Variants in STX8 observed in about 807,000 individuals in gnomAD.
The protein encoded by STX8 is syntaxin-8.
In STX8, 23 loss-of-function variants were observed where a neutral mutation model predicts 37.5. That is an observed-to-expected ratio of 0.61 (90% CI 0.44 to 0.87). The LOEUF is 0.87. STX8 is among the 40% of genes least tolerant of loss of function. The pLI is 0.00. For synonymous variants in STX8, 115 were observed against 99.1 expected (o/e 1.16, Z -0.95); for missense variants, 313 against 284.7 (o/e 1.10, Z -0.71).
At chr17:9,428,530 C>G (rs551256173) in intron 6 of STX8, among the ~76,000 whole-genome samples, 6 of 151,952 alleles carry the variant, frequency 3.9e-5, no homozygotes, top group Non-Finnish European at 8.8e-5. Context: ...GTAAGCCACC[C>G]CGTCCGGCAA....
chr17:9,311,823 A>G (rs900657823), intron 7 of STX8, among the ~76,000 whole-genome samples: 12 of 152,132 alleles, frequency 7.9e-5, no homozygotes, highest in South Asian at 2.1e-4. Context: ...TAAGTACTTT[A>G]TAAGTGTTAG....
rs139501626 is a variant in STX8, at chr17:9,375,615, C to T, written c.643+2937G>A. 1.6e-3 allele frequency among the ~76,000 whole-genome samples: 251 copies of T among 152,260 alleles called. 1 individual carries two copies. The highest frequency in any genetic ancestry group is 5.2e-3 in the African/African-American group (218 of 41,550). On this transcript the variant is annotated intron_variant, in intron 7 of 7. Coordinates refer to ENST00000306357, the MANE Select transcript of STX8 (RefSeq NM_004853.3). ...ACGAGAGCTAATACCAGTACTTGCT[C>T]ACCGCACACAATGTACCAAAGATGG...
chr17:9,441,764 C>T (rs2142387831), intron 6 of STX8, among the ~76,000 whole-genome samples: 1 of 150,640 alleles, frequency 6.6e-6, no homozygotes, highest in East Asian at 2.0e-4. Flanking sequence ...CAAGCTCCGC[C>T]TCCCGGGTTC....
chr17:9,254,472 T>C (rs557358209), intron 7 of STX8, among the ~76,000 whole-genome samples: 2 of 152,038 alleles, frequency 1.3e-5, no homozygotes, highest in Non-Finnish European at 2.9e-5. Context: ...CTTGGCTCAC[T>C]GCAGCCTCCG....
intron 4 of STX8, among the ~76,000 whole-genome samples, chr17:9,543,262 C>A (rs528145585): frequency 6.6e-6 from 1 of 151,458 alleles, no homozygotes; most frequent in South Asian, 2.1e-4. Context: ...AAAGACTCTG[C>A]CTTCAGTGTA....
At position 9,537,227 on chromosome 17, in the gene STX8, T is replaced by C. The variant is rs536193406; in HGVS notation, c.323+7945A>G. On this transcript the variant is annotated intron_variant, in intron 4 of 7. Coordinates refer to ENST00000306357, the MANE Select transcript of STX8 (RefSeq NM_004853.3). ...ATAATTAGCGAGGCAGAGACAAAGC[T>C]GCATGCTTCACCAGGCCCTCCTCTT... Among the ~76,000 whole-genome samples the C allele has an allele frequency of 2.0e-5, 3 of 152,356 alleles. No homozygotes were observed. The South Asian group carries it at 6.2e-4, about 32-fold the overall frequency.
intron 6 of STX8, among the ~76,000 whole-genome samples, chr17:9,485,045 T>C (rs746087386): frequency 5.3e-5 from 8 of 152,180 alleles, no homozygotes; most frequent in Non-Finnish European, 8.8e-5. Context: ...TCCCGGCTAC[T>C]GAGGAGGCTG....
intron 6 of STX8, among the ~76,000 whole-genome samples, chr17:9,456,406 T>C (rs911113223): frequency 7.2e-5 from 11 of 152,198 alleles, no homozygotes; most frequent in Non-Finnish European, 1.3e-4. Context: ...GCCTCTCTGA[T>C]CTGAAACTGG....
At chr17:9,531,752 T>C (rs573267588) in intron 4 of STX8, among the ~76,000 whole-genome samples, 18 of 152,308 alleles carry the variant, frequency 1.2e-4, no homozygotes, top group African/African-American at 3.8e-4. Flanking sequence ...TTTCCCTAAA[T>C]AATGTTTTAT....
At chr17:9,503,104 T>TGA (rs1904682091) in intron 5 of STX8, among the ~76,000 whole-genome samples, 1 of 3,148 alleles carries the variant, frequency 3.2e-4, no homozygotes, top group Non-Finnish European at 1.0e-3. Context: ...AGACTCTGTC[T>TGA]CAAAAAAAAA....
intron 6 of STX8, among the ~76,000 whole-genome samples, chr17:9,434,629 A>C (rs1485139754): frequency 2.0e-5 from 3 of 152,244 alleles, no homozygotes; most frequent in African/African-American, 7.2e-5. Flanking sequence ...TAGGGCAGGC[A>C]GGCTTAGCCT....
intron 7 of STX8, among the ~76,000 whole-genome samples, chr17:9,302,034 G>A (rs1386083563): frequency 6.6e-6 from 1 of 152,096 alleles, no homozygotes; most frequent in African/African-American, 2.4e-5. Flanking sequence ...GTTTGAAATA[G>A]TTTGCCCATA....
intron 2 of STX8, among the ~76,000 whole-genome samples, 171 bp downstream of exon 2, chr17:9,568,200 C>G (rs1424593393): frequency 2.6e-5 from 4 of 152,094 alleles, no homozygotes; most frequent in African/African-American, 9.7e-5. Context: ...CTCATTTAGT[C>G]TCAATGATTA....
chr17:9,333,742 A>G (rs1910043566), intron 7 of STX8, among the ~76,000 whole-genome samples: 1 of 151,564 alleles, frequency 6.6e-6, no homozygotes, highest in Non-Finnish European at 1.5e-5. Context: ...GTAAATAGAT[A>G]TAACACACAC....
At chr17:9,363,249 C>T (rs1597625576) in intron 7 of STX8, among the ~76,000 whole-genome samples, 1 of 152,154 alleles carries the variant, frequency 6.6e-6, no homozygotes, top group South Asian at 2.1e-4. Context: ...AGTGATTTTG[C>T]CTCTTCTCTC....
At position 9,454,709 on chromosome 17, in the gene STX8, GT is replaced by G. The variant is rs200583001; in HGVS notation, c.541+37119del. ...AAAAAAACAAAAAAACTTATGAATT[GT>G]TTTTCCTGCTATTTTCCATTTAATA... is the stretch of plus-strand genomic sequence containing the variant. On this transcript the variant is annotated intron_variant, in intron 6 of 7. Coordinates refer to ENST00000306357, the MANE Select transcript of STX8 (RefSeq NM_004853.3). Among the ~76,000 whole-genome samples, 799 of 150,854 alleles carry G rather than the reference GT, an allele frequency of 5.3e-3. 12 individuals carry two copies. The highest frequency in any genetic ancestry group is 0.018 in the African/African-American group (757 of 41,098).
chr17:9,372,270 A>G (rs1395354291), intron 7 of STX8, among the ~76,000 whole-genome samples: 1 of 150,700 alleles, frequency 6.6e-6, no homozygotes, highest in Non-Finnish European at 1.5e-5. Flanking sequence ...CCCTTTCCAC[A>G]ACCCCCCATG....
At chr17:9,480,578 T>C (rs1007953957) in intron 6 of STX8, among the ~76,000 whole-genome samples, 1 of 152,066 alleles carries the variant, frequency 6.6e-6, no homozygotes, top group Non-Finnish European at 1.5e-5. Flanking sequence ...TGGAAGTCCT[T>C]CCAAAAGATG....
At chr17:9,353,643 T>G (rs533418952) in intron 7 of STX8, among the ~76,000 whole-genome samples, 1 of 152,318 alleles carries the variant, frequency 6.6e-6, no homozygotes, top group African/African-American at 2.4e-5. Context: ...CCAGAATTAC[T>G]CTAATATCAC....
Sources: allele counts gnomAD v4.1 joint callset (sites outside exome capture counted in the v4.1 genomes callset), GRCh38; gene constraint gnomAD v4.1.1; transcripts MANE v1.5; gene names NCBI Gene and HGNC (gene_info 2026-07-23, HGNC 2026-07-21).